Variants in CPSF7 observed in about 807,000 individuals in gnomAD.
CPSF7 encodes the protein cleavage and polyadenylation specificity factor subunit 7.
In CPSF7, 1 loss-of-function variant was observed where a neutral mutation model predicts 44.3. The ratio of observed to expected loss-of-function variants is 0.02; its 90% CI spans 0.01 to 0.11. The LOEUF (loss-of-function observed/expected upper bound fraction) is 0.11, where lower values mean the gene tolerates loss of function less well. CPSF7 is among the 10% of genes least tolerant of loss of function. The pLI is 1.00. For synonymous variants in CPSF7, 202 were observed against 222.0 expected, an observed-to-expected ratio of 0.91 and a Z score of 0.80; for missense variants, 443 against 607.2, an observed-to-expected ratio of 0.73 and a Z score of 2.84.
chr11:61,421,617 T>C lies in CPSF7; in HGVS notation c.55-9A>G. 1 of 1,603,656 alleles carries C rather than the reference T, an allele frequency of 6.2e-7. No individual in the cohort carries two copies. The highest frequency in any genetic ancestry group is 8.5e-7 in the Non-Finnish European group (1 of 1,171,944). On this transcript the variant is annotated splice_polypyrimidine_tract_variant and intron_variant, in intron 2 of 9. Transcript: ENST00000439958. ...TTGTTGAACTCTGGGTCCTAAGAGA[T>C]GAGGGGTTGGCAAAGGTAGGTCTGC...
intron 2 of CPSF7, among the ~76,000 whole-genome samples, chr11:61,428,700 TAAAACTTAA>T (rs1861637929): frequency 6.6e-6 from 1 of 152,212 alleles, no homozygotes; most frequent in Admixed American, 6.5e-5. Context: ...TAAAAGGAAG[TAAAACTTAA>T]TTGGAATGGA....
rs374683197 is a variant in CPSF7, at chr11:61,416,301, G to C, written c.742C>G (p.Pro248Ala). The C allele has an allele frequency of 1.3e-6, 2 of 1,553,086 alleles. No homozygotes were observed. Among genetic ancestry groups the C allele is most frequent in the African/African-American group, 2.7e-5 (2 of 73,050 alleles). The change falls in exon 6 of 10, where the codon CCT (proline) becomes GCT (alanine). Residue 248 changes from proline to alanine, a missense_variant. Transcript: ENST00000439958. ...TGCTGGTAGTGGATACCAGGAGGAGGAGGAGGGACCCCAAAGCTTGAGGAG... is the reference window on the plus strand; with the variant it reads ...TGCTGGTAGTGGATACCAGGAGGAGCAGGAGGGACCCCAAAGCTTGAGGAG... ...PLSSSFGVPP[P>A]PPGIHYQHLM...
At position 61,419,783 on chromosome 11, in the gene CPSF7, T is replaced by C. The variant is rs989157116; in HGVS notation, c.523+166A>G. On this transcript the variant is annotated intron_variant, in intron 5 of 9. Coordinates refer to ENST00000439958, the MANE Select transcript of CPSF7 (RefSeq NM_001142565.3). ...CTCTTTCTTCTATATAGACCTATTC[T>C]GAGGACTACTTGTCGACCATGACAC... The C allele has an allele frequency of 6.4e-5, 50 of 783,108 alleles. 1 individual carries two copies. Among genetic ancestry groups the C allele is most frequent in the South Asian group, 3.6e-4 (20 of 55,648 alleles). 48.5% of individuals were successfully genotyped at this position (783,108 alleles called of 1,614,324 possible).
In CPSF7 at chr11:61,411,911, G is replaced by A. The variant is rs1181740300; in HGVS notation, c.1084C>T (p.Leu362=). 6.2e-7 allele frequency: 1 copy of A among 1,614,240 alleles called. No homozygotes were observed. The highest frequency in any genetic ancestry group is 8.5e-7 in the Non-Finnish European group (1 of 1,180,030). Residue 362 remains leucine (L), a synonymous_variant, in exon 8 of 10, where the codon CTG becomes TTG. Transcript: ENST00000439958. ...AGDYSDAIET[L]LTAIAVIKQS... is the part of the protein sequence containing the mutation. ...TTGATAACCGCAATGGCTGTGAGCA[G>A]CGTCTCAATTGCGTCACTGTAATCC... is the stretch of plus-strand genomic sequence containing the variant.
chr11:61,413,539 G>A (rs928036996), intron 7 of CPSF7, among the ~76,000 whole-genome samples: 12 of 151,570 alleles, frequency 7.9e-5, no homozygotes, highest in Non-Finnish European at 1.3e-4. Flanking sequence ...GCTGAGGCAG[G>A]AGAATTGCTT....
intron 2 of CPSF7, among the ~76,000 whole-genome samples, chr11:61,422,170 T>C (rs1860941712): frequency 1.3e-5 from 2 of 152,140 alleles, no homozygotes; most frequent in Non-Finnish European, 2.9e-5. Flanking sequence ...AGCTCTAAAC[T>C]CATTGTACAC....
chr11:61,429,761 C>G lies in CPSF7; in HGVS notation c.-56+153G>C, dbSNP rs1861780594. The G allele has an allele frequency of 1.3e-6, 2 of 1,546,578 alleles. No individual in the cohort carries two copies. The highest frequency in any genetic ancestry group is 1.7e-6 in the Non-Finnish European group (2 of 1,146,340). On this transcript the variant is annotated intron_variant, in intron 1 of 9. Transcript: ENST00000439958. ...CCCCGCTCCCTCCCGACAAACCCGG[C>G]CCGGCGCGCTCTGCCTCCTCCCTCA...
intron 2 of CPSF7, among the ~76,000 whole-genome samples, chr11:61,421,871 C>A (rs1371996527): frequency 6.6e-6 from 1 of 152,116 alleles, no homozygotes; most frequent in African/African-American, 2.4e-5. Context: ...TCAAAAAGCA[C>A]TGGGTGATTA....
Position 61,415,729 on chromosome 11 carries a change from T to C in CPSF7, c.994A>G (p.Met332Val). 6.2e-7 allele frequency: 1 copy of C among 1,614,178 alleles called. No homozygotes were observed. ...TVSEAEFEDI[M>V]KRNRAISSSA... ...CTGGAAATTGCTCTGTTTCGCTTCA[T>C]GATATCTTCAAATTCGGCTTCACTC... Residue 332 changes from methionine to valine, a missense_variant, in exon 7 of 10, where the codon ATG (methionine) becomes GTG (valine). By Grantham distance (21) the Met-to-Val change is conservative. Coordinates refer to ENST00000439958, the MANE Select transcript of CPSF7 (RefSeq NM_001142565.3).
At chr11:61,429,466 C>A in intron 1 of CPSF7, 176 bp from the exon 2 acceptor site, 2 of 515,604 alleles carry the variant, frequency 3.9e-6, no homozygotes, top group South Asian at 5.6e-5. Context: ...CCCAGGCCGC[C>A]GGGGGTCGCT....
Position 61,416,166 on chromosome 11 carries a change from T to C in CPSF7, c.877A>G (p.Thr293Ala). The stretch of plus-strand genomic sequence containing the variant: ...TAAGTATCTGGTGGAGGCCCCACTG[T>C]AGCGTTTGGTGGGGGGAAGAAGGCT... ...NPAFFPPPNA[T>A]VGPPPDTYMK... The change falls in exon 6 of 10, where the codon ACA becomes GCA. Residue 293 changes from threonine (T) to alanine (A), a missense_variant. Thr to Ala is a moderately conservative substitution (Grantham distance 58). Coordinates refer to ENST00000439958, the MANE Select transcript of CPSF7 (RefSeq NM_001142565.3). 6.6e-7 allele frequency: 1 copy of C among 1,516,564 alleles called. No homozygotes were observed. The highest frequency in any genetic ancestry group is 8.8e-7 in the Non-Finnish European group (1 of 1,134,714). 93.9% of individuals were successfully genotyped at this position (1,516,564 alleles called of 1,614,324 possible).
intron 5 of CPSF7, 152 bp downstream of exon 5, chr11:61,419,797 C>T (rs1012085509): frequency 3.8e-5 from 34 of 883,466 alleles, no homozygotes; most frequent in Non-Finnish European, 5.0e-5. Context: ...GACTACTTGT[C>T]GACCATGACA....
chr11:61,413,589 C>T (rs1211955688), intron 7 of CPSF7, among the ~76,000 whole-genome samples: 1 of 151,022 alleles, frequency 6.6e-6, no homozygotes, highest in Non-Finnish European at 1.5e-5. Context: ...CGGGATCAGA[C>T]CACTGCACTA....
chr11:61,419,770 T>C (rs1162001916), intron 5 of CPSF7, 179 bp downstream of exon 5: 3 of 711,082 alleles, frequency 4.2e-6, no homozygotes, highest in Non-Finnish European at 7.1e-6. Flanking sequence ...CTTTCTTCTA[T>C]ATAGACCTAT....
At chr11:61,410,880 T>A in intron 9 of CPSF7, 58 bp downstream of exon 9, 1 of 1,494,752 alleles carries the variant, frequency 6.7e-7, no homozygotes, top group Non-Finnish European at 8.9e-7. Flanking sequence ...AATTCTTCAC[T>A]ATAAATCTTT....
In CPSF7 at chr11:61,429,900, C is replaced by A. The variant is rs1161993851; in HGVS notation, c.-56+14G>T. On this transcript the variant is annotated intron_variant, in intron 1 of 9. Transcript: ENST00000439958. Reference sequence around the variant, plus strand: ...TTCCGGCCCAACCTGCCCCCGACCGCGCGCCCCCGTTACCGGGAATATGGC... The same window carrying A: ...TTCCGGCCCAACCTGCCCCCGACCGAGCGCCCCCGTTACCGGGAATATGGC... The A allele has an allele frequency of 1.2e-5, 18 of 1,509,338 alleles. No homozygotes were observed. Among genetic ancestry groups the A allele is most frequent in the South Asian group, 1.2e-5 (1 of 81,628 alleles). 93.5% of individuals were successfully genotyped at this position (1,509,338 alleles called of 1,614,324 possible). A position where few individuals can be genotyped will look rare whatever the true frequency, so the allele number is the denominator to read the frequency against.
intron 9 of CPSF7, among the ~76,000 whole-genome samples, chr11:61,405,244 G>GA (rs1436033996): frequency 6.6e-6 from 1 of 152,144 alleles, no homozygotes; most frequent in African/African-American, 2.4e-5. Flanking sequence ...ACATACACAG[G>GA]AAACTCTTAA....
At chr11:61,417,434 T>C (rs1403991266) in intron 5 of CPSF7, among the ~76,000 whole-genome samples, 1 of 152,228 alleles carries the variant, frequency 6.6e-6, no homozygotes, top group Non-Finnish European at 1.5e-5. Context: ...AGTTTAACAG[T>C]CTAAGCCTGT....
At chr11:61,421,071 C>G in intron 3 of CPSF7, 1 of 1,353,128 alleles carries the variant, frequency 7.4e-7, no homozygotes, top group Non-Finnish European at 9.7e-7. Flanking sequence ...ACAGGACCAT[C>G]TAATGACCAC....
Sources: allele counts gnomAD v4.1 joint callset (sites outside exome capture counted in the v4.1 genomes callset), GRCh38; gene constraint gnomAD v4.1.1; transcripts MANE v1.5; gene names NCBI Gene and HGNC (gene_info 2026-07-23, HGNC 2026-07-21).